The following KCNQ1 variants were observed in gnomAD, a reference collection of about 807,000 sequenced individuals.
KCNQ1 encodes potassium voltage-gated channel subfamily Q member 1, also known as potassium voltage-gated channel subfamily KQT member 1.
In KCNQ1, 49 loss-of-function variants were observed where a neutral mutation model predicts 72.4. The ratio of observed to expected loss-of-function variants is 0.68; its 90% CI spans 0.54 to 0.86. The LOEUF (loss-of-function observed/expected upper bound fraction) is 0.86. Ranked by LOEUF, KCNQ1 falls within the 40% of genes least tolerant of loss-of-function variation. KCNQ1 has a pLI of 0.00. For synonymous variants in KCNQ1, 450 were observed against 412.6 expected (o/e 1.09, Z -1.10); for missense variants, 790 against 945.1 (o/e 0.84, Z 2.15).
Position 2,462,340 on chromosome 11 carries a change from GCCT to G in KCNQ1, c.386+16866_386+16868del, listed in dbSNP as rs749324729. The stretch of plus-strand genomic sequence containing the variant: ...TGTCTAGGGCCACCCCCTCTGACTT[GCCT>G]CCTCCTCCTTCTGACTTGCCTCCTC... On this transcript the variant is annotated intron_variant, in intron 1 of 15. Transcript: ENST00000155840. The surrounding 1 kb of genome is among the most constrained non-coding windows in gnomAD (Gnocchi z 8.2). 4.5e-4 allele frequency among the ~76,000 whole-genome samples: 68 copies of G among 152,272 alleles called. No homozygotes were observed. The highest frequency in any genetic ancestry group is 9.0e-4 in the Non-Finnish European group (61 of 68,020).
intron 13 of KCNQ1, 77 bp downstream of exon 13, chr11:2,776,131 C>T: frequency 1.6e-6 from 2 of 1,264,396 alleles, no homozygotes; most frequent in Non-Finnish European, 2.2e-6. Flanking sequence ...ATCAGCGGTG[C>T]CGGAGGAGGG....
chr11:2,802,391 G>A (rs1219348348), intron 15 of KCNQ1, among the ~76,000 whole-genome samples: 2 of 152,216 alleles, frequency 1.3e-5, no homozygotes, highest in Non-Finnish European at 1.5e-5. Context: ...GGGGGCCACT[G>A]AGGCAGCGGG....
rs542307573 is a variant in KCNQ1 at position 2,539,250 on chromosome 11, C to G, written c.477+11232C>G. Among the ~76,000 whole-genome samples the G allele has an allele frequency of 3.9e-5, 6 of 152,342 alleles. No homozygotes were observed. In the South Asian group the frequency reaches 1.2e-3, roughly 32 times the overall value. On this transcript the variant is annotated intron_variant, in intron 2 of 15. Coordinates refer to ENST00000155840, the MANE Select transcript of KCNQ1 (RefSeq NM_000218.3). The stretch of plus-strand genomic sequence containing the variant: ...TGGGGGCCTGGCTCGTGCCTGGTGG[C>G]AAGTCCTCTTGGGCCCCAGAAAGAC...
At chr11:2,795,914 C>T (rs117304586) in intron 15 of KCNQ1, among the ~76,000 whole-genome samples, 2,264 of 152,258 alleles carry the variant, frequency 0.015, 68 homozygotes, top group East Asian at 0.085. Flanking sequence ...ACCCCTTGCA[C>T]AGGGCTTGGA....
At chr11:2,743,435 C>T (rs981194196) in intron 11 of KCNQ1, among the ~76,000 whole-genome samples, 5 of 152,238 alleles carry the variant, frequency 3.3e-5, no homozygotes, top group African/African-American at 9.6e-5. Context: ...ATTATCCCAG[C>T]TTTTACCCAG....
In KCNQ1 at chr11:2,536,111, G is replaced by A. The variant is rs1213580917; in HGVS notation, c.477+8093G>A. 1.3e-5 allele frequency among the ~76,000 whole-genome samples: 2 copies of A among 152,222 alleles called. No individual in the cohort carries two copies. The highest frequency in any genetic ancestry group is 2.9e-5 in the Non-Finnish European group (2 of 68,040). On this transcript the variant is annotated intron_variant, in intron 2 of 15. Transcript: ENST00000155840. This position sits in a 1 kb window ranked among gnomAD's most constrained non-coding sequence, Gnocchi z 7.4. ...CCACCCAGCCCCATGCACAGGCCAC[G>A]CGGCGACAGGGGCTGCTGAAGGAAG...
rs1197963262 is a variant in KCNQ1, at chr11:2,497,187, A to G, written c.387-30741A>G. Among the ~76,000 whole-genome samples, 3 of 152,074 alleles carry G rather than the reference A, an allele frequency of 2.0e-5. No individual in the cohort carries two copies. Among genetic ancestry groups the G allele is most frequent in the Non-Finnish European group, 2.9e-5 (2 of 68,030 alleles). ...GGAGTATCTTAGTGGTGTTCTCTGTATTTCCTGAATTTGAATGCTAGCCTG... is the reference window on the plus strand; with the variant it reads ...GGAGTATCTTAGTGGTGTTCTCTGTGTTTCCTGAATTTGAATGCTAGCCTG... On this transcript the variant is annotated intron_variant, in intron 1 of 15. Transcript: ENST00000155840. The surrounding 1 kb of genome is among the most constrained non-coding windows in gnomAD (Gnocchi z 4.5).
Position 2,550,997 on chromosome 11 carries a change from C to T in KCNQ1, c.478-19631C>T, listed in dbSNP as rs12283510. On this transcript the variant is annotated intron_variant, in intron 2 of 15. Transcript: ENST00000155840. The surrounding 1 kb of genome is among the most constrained non-coding windows in gnomAD (Gnocchi z 6.0). ...GGGAGGCTGTGCTGAGCTCAGTGGG[C>T]TTGGTGGGGTCATAGCTGCCTCTCC... 0.21 allele frequency among the ~76,000 whole-genome samples: 31,878 copies of T among 152,096 alleles called. 3,498 individuals are homozygous for T. The highest frequency in any genetic ancestry group is 0.24 in the Non-Finnish European group (16,617 of 67,954).
In KCNQ1 at chr11:2,595,650, C is replaced by A. The variant is rs777091896; in HGVS notation, c.1393+6796C>A. Among the ~76,000 whole-genome samples the A allele has an allele frequency of 2.0e-5, 3 of 152,158 alleles. No individual in the cohort carries two copies. The highest frequency in any genetic ancestry group is 4.4e-5 in the Non-Finnish European group (3 of 68,046). On this transcript the variant is annotated intron_variant, in intron 10 of 15. Transcript: ENST00000155840. This position sits in a 1 kb window ranked among gnomAD's most constrained non-coding sequence, Gnocchi z 5.0. The stretch of plus-strand genomic sequence containing the variant: ...AAAGATCCCTCTCAAAATGTTACTG[C>A]TCATTGACAGTGCACCTGGTCATCC...
intron 2 of KCNQ1, among the ~76,000 whole-genome samples, chr11:2,556,381 T>C (rs1186905452): frequency 6.6e-6 from 1 of 152,182 alleles, no homozygotes; most frequent in African/African-American, 2.4e-5. Flanking sequence ...TAGGAATACC[T>C]ACCTGTCAGA....
At chr11:2,546,013 T>A (rs1037090779) in intron 2 of KCNQ1, among the ~76,000 whole-genome samples, 3 of 152,150 alleles carry the variant, frequency 2.0e-5, no homozygotes, top group Non-Finnish European at 4.4e-5. Flanking sequence ...TTAATTTTAA[T>A]TATTTTATTC....
chr11:2,655,296 AT>A, intron 10 of KCNQ1: 1 of 398,570 alleles, frequency 2.5e-6, no homozygotes, highest in East Asian at 3.6e-5. Context: ...TGCCCTGAAA[AT>A]TTAGGCCCAG....
intron 6 of KCNQ1, among the ~76,000 whole-genome samples, chr11:2,582,126 C>G (rs555932108): frequency 6.6e-6 from 1 of 152,336 alleles, no homozygotes; most frequent in African/African-American, 2.4e-5. Flanking sequence ...ATCGGTACAG[C>G]CTGGTTTCCC....
rs992106114 is a variant in KCNQ1 at position 2,462,812 on chromosome 11, C to T, written c.386+17328C>T. ...GGAGGTTTGAGGAGCAGAAAGTAGA[C>T]CCTTGACCCTCCCTGGGCTGGTGAG... is the stretch of plus-strand genomic sequence containing the variant. On this transcript the variant is annotated intron_variant, in intron 1 of 15. Transcript: ENST00000155840. The surrounding 1 kb of genome is among the most constrained non-coding windows in gnomAD (Gnocchi z 8.2). Among the ~76,000 whole-genome samples, 19 of 152,158 alleles carry T rather than the reference C, an allele frequency of 1.2e-4. No homozygotes were observed. The highest frequency in any genetic ancestry group is 4.6e-4 in the African/African-American group (19 of 41,432).
chr11:2,688,703 G>C (rs1246682425), intron 11 of KCNQ1: 1 of 398,932 alleles, frequency 2.5e-6, no homozygotes, highest in Non-Finnish European at 4.4e-6. Context: ...GCCCAGCTGG[G>C]GCTGGCATAC....
chr11:2,555,892 C>A (rs925155375), intron 2 of KCNQ1, among the ~76,000 whole-genome samples: 1 of 152,148 alleles, frequency 6.6e-6, no homozygotes, highest in Non-Finnish European at 1.5e-5. Flanking sequence ...ACAGGGACCC[C>A]GCCTGGGGAG....
intron 11 of KCNQ1, among the ~76,000 whole-genome samples, chr11:2,757,328 T>C (rs909025472): frequency 6.6e-6 from 1 of 152,130 alleles, no homozygotes; most frequent in Non-Finnish European, 1.5e-5. Context: ...CCATTTACAA[T>C]TGCGCTAAAG....
intron 1 of KCNQ1, among the ~76,000 whole-genome samples, chr11:2,472,734 T>C (rs1275682270): frequency 1.3e-5 from 2 of 152,108 alleles, no homozygotes; most frequent in Non-Finnish European, 2.9e-5. Flanking sequence ...CTGCCCATTG[T>C]CAGGCTCCTT....
At chr11:2,534,929 T>C (rs2133664604) in intron 2 of KCNQ1, among the ~76,000 whole-genome samples, 1 of 152,346 alleles carries the variant, frequency 6.6e-6, no homozygotes. Context: ...GGATCCTCAC[T>C]GCAGGGCCCT....
Sources: allele counts gnomAD v4.1 joint callset (sites outside exome capture counted in the v4.1 genomes callset), GRCh38; gene constraint gnomAD v4.1.1; non-coding constraint Gnocchi (gnomAD v3.1); transcripts MANE v1.5; gene names NCBI Gene and HGNC (gene_info 2026-07-23, HGNC 2026-07-21).